FGFR2: variants seen among roughly 807,000 people sequenced by gnomAD.
FGFR2 encodes the protein fibroblast growth factor receptor 2.
A neutral mutation model predicts 95.9 loss-of-function variants in FGFR2; 19 were observed. The ratio of observed to expected loss-of-function variants is 0.20; its 90% confidence interval spans 0.14 to 0.29. The LOEUF (loss-of-function observed/expected upper bound fraction) is 0.29, where lower values mean the gene tolerates loss of function less well. Ranked by LOEUF, FGFR2 falls within the 10% of genes least tolerant of loss-of-function variation. The probability of loss-of-function intolerance (pLI) is 1.00; values close to 1 mark genes in which losing one functional copy is unlikely to be tolerated. For synonymous variants in FGFR2, 392 were observed against 393.3 expected, an observed-to-expected ratio of 1.00 and a Z score of 0.04; for missense variants, 707 against 1,056.9, an observed-to-expected ratio of 0.67 and a Z score of 4.59.
At chr10:121,583,193 G>A (rs45631632) in intron 2 of FGFR2, 3,575 of 152,336 alleles carry the variant, frequency 0.023, 57 homozygotes, top group Middle Eastern at 0.037. Context: ...AGTCCTTGGT[G>A]CTTGTTTCCA....
At chr10:121,525,857 G>A (rs564316402) in intron 6 of FGFR2, among the ~76,000 whole-genome samples, 1 of 152,254 alleles carries the variant, frequency 6.6e-6, no homozygotes, top group Admixed American at 6.5e-5. Flanking sequence ...CCGGGGATCA[G>A]AAGGAGAACC....
intron 13 of FGFR2, among the ~76,000 whole-genome samples, chr10:121,495,133 A>G (rs1039154613): frequency 1.3e-5 from 2 of 152,158 alleles, no homozygotes; most frequent in Admixed American, 6.5e-5. Flanking sequence ...TGCCAAATAG[A>G]TTGGCAAACT....
intron 6 of FGFR2, among the ~76,000 whole-genome samples, chr10:121,532,443 G>A (rs1195877030): frequency 2.4e-4 from 36 of 152,200 alleles, no homozygotes; most frequent in Admixed American, 2.4e-3. Context: ...TCACGAGCAA[G>A]TGAGCAGGAA....
chr10:121,538,410 C>A, intron 6 of FGFR2, 182 bp downstream of exon 6: 1 of 962,612 alleles, frequency 1.0e-6, no homozygotes. Context: ...ACCCTGGCTG[C>A]CTGGAAAACA....
chr10:121,594,872 T>C (rs1204906782), intron 1 of FGFR2, among the ~76,000 whole-genome samples: 3 of 152,252 alleles, frequency 2.0e-5, no homozygotes, highest in Non-Finnish European at 4.4e-5. Context: ...ACTTTCCATA[T>C]GCAAACCTAC....
chr10:121,587,360 T>C (rs1333823624), intron 2 of FGFR2, among the ~76,000 whole-genome samples: 3 of 152,152 alleles, frequency 2.0e-5, no homozygotes, highest in African/African-American at 4.8e-5. Flanking sequence ...AAAGATTTCA[T>C]GACAAAGACA....
At chr10:121,504,127 G>C (rs1170619358) in intron 9 of FGFR2, among the ~76,000 whole-genome samples, 186 bp from the exon 10 acceptor site, 1 of 152,202 alleles carries the variant, frequency 6.6e-6, no homozygotes, top group Non-Finnish European at 1.5e-5. Context: ...TGCAGTACCA[G>C]ATTTCATCCA....
chr10:121,569,684 C>T (rs1259558774), intron 2 of FGFR2, among the ~76,000 whole-genome samples: 1 of 152,112 alleles, frequency 6.6e-6, no homozygotes, highest in African/African-American at 2.4e-5. Context: ...AAAATATCAC[C>T]CCCTAAAATA....
intron 2 of FGFR2, among the ~76,000 whole-genome samples, chr10:121,573,296 G>A (rs1019209186): frequency 9.2e-5 from 14 of 152,172 alleles, no homozygotes; most frequent in Non-Finnish European, 1.5e-4. Context: ...TTCTACCAAC[G>A]GCACAGCTCC....
intron 9 of FGFR2, among the ~76,000 whole-genome samples, chr10:121,512,626 T>C (rs903261117): frequency 6.6e-6 from 1 of 152,066 alleles, no homozygotes; most frequent in Non-Finnish European, 1.5e-5. Flanking sequence ...AACTCCTGGG[T>C]TCAAAGGATC....
At chr10:121,487,490 T>C (rs1203570506) in intron 14 of FGFR2, 66 bp from the exon 15 acceptor site, 31 of 1,295,046 alleles carry the variant, frequency 2.4e-5, no homozygotes, top group African/African-American at 7.4e-5. Context: ...GCAGGCTCAA[T>C]AGGGCTATGC....
chr10:121,571,560 G>A lies in FGFR2; in HGVS notation c.110-5856C>T, dbSNP rs193287801. Among the ~76,000 whole-genome samples the A allele has an allele frequency of 3.5e-3, 534 of 151,658 alleles. 2 individuals are homozygous for A. Among genetic ancestry groups the A allele is most frequent in the African/African-American group, 0.012 (497 of 41,394 alleles). On this transcript the variant is annotated intron_variant, in intron 2 of 17. Transcript: ENST00000358487. ...CAGCTCAGGCAATCCACCTGCCTCC[G>A]CCTCCCAAAGTGCTAGGATTACAGG...
At chr10:121,594,838 T>A (rs1863196880) in intron 1 of FGFR2, among the ~76,000 whole-genome samples, 2 of 152,224 alleles carry the variant, frequency 1.3e-5, no homozygotes, top group African/African-American at 4.8e-5. Flanking sequence ...TAAATTATAG[T>A]CATGGTATGT....
intron 2 of FGFR2, among the ~76,000 whole-genome samples, chr10:121,567,950 G>T (rs1857953440): frequency 6.6e-6 from 1 of 152,214 alleles, no homozygotes; most frequent in Non-Finnish European, 1.5e-5. Context: ...AGGCATTTGA[G>T]CTGAGAAGTG....
intron 9 of FGFR2, 65 bp downstream of exon 9, chr10:121,515,052 A>G: frequency 6.7e-7 from 1 of 1,495,966 alleles, no homozygotes. Flanking sequence ...AGCAGAGGAC[A>G]AGATCCACAA....
intron 5 of FGFR2, among the ~76,000 whole-genome samples, chr10:121,546,253 T>C (rs1190630950): frequency 6.6e-6 from 1 of 150,464 alleles, no homozygotes; most frequent in Non-Finnish European, 1.5e-5. Flanking sequence ...ACGATGGTGA[T>C]ACTATTAAAT....
intron 4 of FGFR2, among the ~76,000 whole-genome samples, chr10:121,563,487 T>G (rs1857252536): frequency 1.3e-5 from 2 of 152,164 alleles, no homozygotes; most frequent in African/African-American, 2.4e-5. Flanking sequence ...GAATATACCA[T>G]GTAAGCAGAG....
chr10:121,493,471 C>T (rs527659136), intron 13 of FGFR2, among the ~76,000 whole-genome samples: 3 of 152,226 alleles, frequency 2.0e-5, no homozygotes, highest in East Asian at 1.9e-4. Context: ...GTCTGAGCGC[C>T]GAGGCTCTAC....
chr10:121,567,515 A>G (rs1219297478), intron 2 of FGFR2, among the ~76,000 whole-genome samples: 1 of 152,224 alleles, frequency 6.6e-6, no homozygotes, highest in Middle Eastern at 3.2e-3. Context: ...GCTCCGCAGC[A>G]AGAGGAGACA....
Sources: allele counts gnomAD v4.1 joint callset (sites outside exome capture counted in the v4.1 genomes callset), GRCh38; gene constraint gnomAD v4.1.1; transcripts MANE v1.5; gene names NCBI Gene and HGNC (gene_info 2026-07-23, HGNC 2026-07-21).